RUNX1: variants seen among roughly 807,000 people sequenced by gnomAD.
RUNX1 encodes RUNX family transcription factor 1, also known as runt-related transcription factor 1.
Under a neutral mutation model 42.8 loss-of-function variants are expected in RUNX1, and 19 were observed. That is an observed-to-expected ratio of 0.44 (90% CI 0.31 to 0.65). The LOEUF (loss-of-function observed/expected upper bound fraction) is 0.65. Ranked by LOEUF, RUNX1 falls within the 30% of genes least tolerant of loss-of-function variation. The pLI is 0.07. For synonymous variants in RUNX1, 271 were observed against 289.4 expected (o/e 0.94, Z 0.64); for missense variants, 528 against 672.0 (o/e 0.79, Z 2.37).
At chr21:34,797,968 C>G (rs1247890114) in intron 8 of RUNX1, 5 of 455,862 alleles carry the variant, frequency 1.1e-5, no homozygotes, top group Non-Finnish European at 2.2e-5. Flanking sequence ...CAGACCCCCC[C>G]CAACAAAGAA....
At chr21:34,874,517 G>A (rs2057785339) in intron 5 of RUNX1, among the ~76,000 whole-genome samples, 1 of 146,990 alleles carries the variant, frequency 6.8e-6, no homozygotes, top group South Asian at 2.2e-4. Flanking sequence ...GGCCGAGGTA[G>A]GAGAATCGCT....
rs2056412550 is a variant in RUNX1 at position 34,789,733 on chromosome 21, C to G, written c.*2402G>C. 4.3e-6 allele frequency: 1 copy of G among 233,032 alleles called. No individual in the cohort carries two copies. The highest frequency in any genetic ancestry group is 5.6e-5 in the Admixed American group (1 of 17,766). 14.4% of individuals were successfully genotyped at this position (233,032 alleles called of 1,614,324 possible). A position where few individuals can be genotyped will look rare whatever the true frequency, so the allele number is the denominator to read the frequency against. ...GTCTGTGAAACTCTAAATGACCAAT[C>G]CAGTGAGCCTACAATAGTGACAAGC... On this transcript the variant is annotated 3_prime_UTR_variant, in exon 9 of 9. Coordinates refer to ENST00000675419, the MANE Select transcript of RUNX1 (RefSeq NM_001754.5).
intron 2 of RUNX1, among the ~76,000 whole-genome samples, chr21:34,965,926 G>C (rs1296248140): frequency 2.0e-5 from 3 of 152,220 alleles, no homozygotes; most frequent in Non-Finnish European, 4.4e-5. Context: ...GTTTGGGAAA[G>C]TAAGCATCCT....
intron 6 of RUNX1, among the ~76,000 whole-genome samples, chr21:34,844,738 C>A (rs909849324): frequency 6.6e-6 from 1 of 152,216 alleles, no homozygotes; most frequent in Non-Finnish European, 1.5e-5. Context: ...AAAAGCCCTG[C>A]CCCCTGGGCC....
chr21:34,855,423 A>G (rs1462460449), intron 6 of RUNX1, among the ~76,000 whole-genome samples: 1 of 152,152 alleles, frequency 6.6e-6, no homozygotes, highest in Non-Finnish European at 1.5e-5. Flanking sequence ...AACAACTCTC[A>G]GCCATTCGTA....
chr21:34,940,249 T>G (rs1217885864), intron 2 of RUNX1, among the ~76,000 whole-genome samples: 2 of 152,198 alleles, frequency 1.3e-5, no homozygotes, highest in Non-Finnish European at 2.9e-5. Context: ...GGAAAATTAA[T>G]GATGGCAGTT....
At chr21:34,940,989 C>T (rs1052875534) in intron 2 of RUNX1, among the ~76,000 whole-genome samples, 1 of 152,220 alleles carries the variant, frequency 6.6e-6, no homozygotes, top group African/African-American at 2.4e-5. Context: ...GATCTTGTCA[C>T]TGCCATAGAA....
chr21:34,995,953 A>AT (rs1344993503), intron 2 of RUNX1, among the ~76,000 whole-genome samples: 1 of 152,038 alleles, frequency 6.6e-6, no homozygotes, highest in Non-Finnish European at 1.5e-5. Context: ...TGTAGCCATC[A>AT]TTTTTTATCT....
At position 34,930,268 on chromosome 21, in the gene RUNX1, A is replaced by ATGTGTG. The variant is rs141115974; in HGVS notation, c.59-37306_59-37305insCACACA. Among the ~76,000 whole-genome samples the ATGTGTG allele has an allele frequency of 9.9e-3, 1,194 of 120,704 alleles. 26 individuals carry two copies. The highest frequency in any genetic ancestry group is 0.038 in the East Asian group (182 of 4,798). 79.2% of individuals were successfully genotyped at this position (120,704 alleles called of 152,430 possible). On this transcript the variant is annotated intron_variant, in intron 2 of 8. Coordinates refer to ENST00000675419, the MANE Select transcript of RUNX1 (RefSeq NM_001754.5). ...ATATGTATATTATACGTGTGTGTGT[A>ATGTGTG]TGTATATATATATATATATATATAA...
chr21:34,931,317 ATTATATATATATACACAT>A lies in RUNX1; in HGVS notation c.59-38372_59-38355del, dbSNP rs1449300827. On this transcript the variant is annotated intron_variant, in intron 2 of 8. Coordinates refer to ENST00000675419, the MANE Select transcript of RUNX1 (RefSeq NM_001754.5). ...TTTGAAAACAAGTTAATCAACATGCATTATATATATATACACATTTATATATATATATACATGTGTATA... is the reference window on the plus strand; with the variant it reads ...TTTGAAAACAAGTTAATCAACATGCATTATATATATATATACATGTGTATA... Among the ~76,000 whole-genome samples the A allele has an allele frequency of 2.4e-3, 359 of 146,820 alleles. 1 individual carries two copies. Among genetic ancestry groups the A allele is most frequent in the African/African-American group, 8.8e-3 (348 of 39,542 alleles).
intron 6 of RUNX1, among the ~76,000 whole-genome samples, chr21:34,848,849 T>C (rs2057354275): frequency 6.6e-6 from 1 of 152,114 alleles, no homozygotes. Context: ...ACTGGAAATA[T>C]CATACAACCA....
chr21:34,862,607 C>T (rs560989027), intron 5 of RUNX1, among the ~76,000 whole-genome samples: 39 of 152,294 alleles, frequency 2.6e-4, no homozygotes, highest in African/African-American at 7.5e-4. Context: ...TGACTTGCAG[C>T]TGCAGCACTC....
chr21:34,855,508 C>T (rs1299217893), intron 6 of RUNX1, among the ~76,000 whole-genome samples: 10 of 152,090 alleles, frequency 6.6e-5, no homozygotes, highest in Non-Finnish European at 1.3e-4. Flanking sequence ...AGTTCGAGAC[C>T]AGGCTGGCCA....
At chr21:34,922,835 A>G (rs778605066) in intron 2 of RUNX1, among the ~76,000 whole-genome samples, 4 of 152,220 alleles carry the variant, frequency 2.6e-5, no homozygotes, top group Non-Finnish European at 5.9e-5. Flanking sequence ...AAACAGATGG[A>G]AAACATCAGA....
intron 2 of RUNX1, among the ~76,000 whole-genome samples, chr21:34,900,747 T>C (rs955866093): frequency 6.6e-6 from 1 of 152,192 alleles, no homozygotes; most frequent in South Asian, 2.1e-4. Context: ...GGAAACAATA[T>C]TACAAAAGCA....
chr21:34,898,272 G>A (rs1271869858), intron 2 of RUNX1, among the ~76,000 whole-genome samples: 1 of 152,190 alleles, frequency 6.6e-6, no homozygotes, highest in Non-Finnish European at 1.5e-5. Context: ...ATCTAGTACA[G>A]CACCACCAGA....
intron 2 of RUNX1, among the ~76,000 whole-genome samples, chr21:34,917,632 G>C (rs576953389): frequency 2.6e-4 from 40 of 152,150 alleles, no homozygotes; most frequent in African/African-American, 9.4e-4. Flanking sequence ...AAAGAAGATA[G>C]ACAGATGGAA....
chr21:34,858,763 G>T (rs980924787), intron 6 of RUNX1, among the ~76,000 whole-genome samples: 1 of 152,122 alleles, frequency 6.6e-6, no homozygotes, highest in Non-Finnish European at 1.5e-5. Flanking sequence ...CCTGGGGAAG[G>T]GTGTGGTTCT....
Position 34,961,064 on chromosome 21 carries a change from A to G in RUNX1, c.59-68101T>C, listed in dbSNP as rs2146705277. 1.3e-5 allele frequency among the ~76,000 whole-genome samples: 2 copies of G among 152,356 alleles called. 1 individual carries two copies. Among genetic ancestry groups the G allele is most frequent in the South Asian group, 4.1e-4 (2 of 4,830 alleles). ...TTAGTGACAAGATTTTAACAAAACC[A>G]AATAAACTTTAAGAAACAAGGACAT... On this transcript the variant is annotated intron_variant, in intron 2 of 8. Coordinates refer to ENST00000675419, the MANE Select transcript of RUNX1 (RefSeq NM_001754.5).
Sources: gnomAD v4.1 joint callset for allele counts (sites outside exome capture counted in the v4.1 genomes callset) on GRCh38, gnomAD v4.1.1 for gene constraint, MANE v1.5 for transcripts, NCBI Gene and HGNC (gene_info 2026-07-23, HGNC 2026-07-21) for gene names.